RTL4: variants seen among roughly 807,000 people sequenced by gnomAD.
The protein encoded by RTL4 is retrotransposon Gag-like protein 4.
Under a neutral mutation model 5.3 loss-of-function variants are expected in RTL4, and 4 were observed. The ratio of observed to expected loss-of-function variants is 0.75; its 90% CI spans 0.37 to 1.72. The LOEUF (loss-of-function observed/expected upper bound fraction) is 1.72. Ranked by LOEUF, RTL4 falls within the 40% of genes most tolerant of loss-of-function variation. The probability of loss-of-function intolerance (pLI) is 0.04; values close to 1 mark genes in which losing one functional copy is unlikely to be tolerated. For missense variants in RTL4, 260 were observed against 227.1 expected, an observed-to-expected ratio of 1.14 and a Z score of -0.93; for synonymous variants, 98 against 87.3, an observed-to-expected ratio of 1.12 and a Z score of -0.68.
chrX:112,116,340 C>T, the RTL4 span, among the ~76,000 whole-genome samples: 2 of 111,058 alleles, frequency 1.8e-5, no homozygotes, highest in Admixed American at 9.5e-5. Context: ...TGTGGACCTT[C>T]GCAGTGAGTG....
chrX:112,191,395 C>A, the RTL4 span, among the ~76,000 whole-genome samples: 1 of 111,561 alleles, frequency 9.0e-6, no homozygotes, highest in South Asian at 3.8e-4. Flanking sequence ...CTCCTGAAAG[C>A]CCTTTTCTTG....
chrX:112,230,591 C>T, the RTL4 span, among the ~76,000 whole-genome samples: 1 of 112,336 alleles, frequency 8.9e-6, no homozygotes, highest in Non-Finnish European at 1.9e-5. Flanking sequence ...AGAAATCACC[C>T]GTCTTCTGCA....
the RTL4 span, among the ~76,000 whole-genome samples, chrX:112,219,592 T>C: frequency 8.9e-6 from 1 of 112,223 alleles, no homozygotes; most frequent in Non-Finnish European, 1.9e-5. Context: ...AGAAAAGCTG[T>C]CATTCAAAAA....
the RTL4 span, among the ~76,000 whole-genome samples, chrX:112,210,071 C>T: frequency 6.3e-5 from 7 of 111,976 alleles, no homozygotes; most frequent in African/African-American, 2.3e-4. Flanking sequence ...GTTGCAGAGC[C>T]TTCTCCTGTT....
the RTL4 span, among the ~76,000 whole-genome samples, chrX:112,243,896 T>C: frequency 8.9e-6 from 1 of 112,063 alleles, no homozygotes; most frequent in Non-Finnish European, 1.9e-5. Flanking sequence ...GTACATTGTG[T>C]CTTTGTTCTC....
chrX:112,393,121 T>G, the RTL4 span, among the ~76,000 whole-genome samples: 1 of 109,062 alleles, frequency 9.2e-6, no homozygotes, highest in Non-Finnish European at 1.9e-5. Context: ...ATTTTTCTTT[T>G]TTCTTTTCTT....
chrX:112,399,053 G>A, the RTL4 span, among the ~76,000 whole-genome samples: 1 of 111,735 alleles, frequency 8.9e-6, no homozygotes, highest in Non-Finnish European at 1.9e-5. Flanking sequence ...TGTCTTTCAA[G>A]GAATTCATTC....
the RTL4 span, among the ~76,000 whole-genome samples, chrX:112,353,581 G>A: frequency 9.1e-6 from 1 of 110,387 alleles, no homozygotes; most frequent in East Asian, 2.9e-4. Context: ...ACTATCGCAA[G>A]GACAAAAAAC....
chrX:112,456,555 G>A, exon 1 of RTL4: 1 of 295,596 alleles, frequency 3.4e-6, no homozygotes, highest in Non-Finnish European at 6.2e-6. Context: ...TGGGGATGGT[G>A]TGTCATAATT....
the RTL4 span, among the ~76,000 whole-genome samples, chrX:112,204,881 A>G: frequency 9.0e-6 from 1 of 111,584 alleles, no homozygotes; most frequent in African/African-American, 3.3e-5. Flanking sequence ...TGATGTGCTT[A>G]TTTTACATCG....
Position 112,455,281 on chromosome X carries a change from G to A in RTL4, c.553G>A (p.Glu185Lys), listed in dbSNP as rs745679035. ...TGAAACCAATCAGAGTGGTCAGTTC[G>A]AAAAGGCACTAGCTGATCCCAACCA... The change falls in exon 1 of 1, where the codon GAA becomes AAA. Residue 185 changes from glutamate to lysine, a missense_variant. Coordinates refer to ENST00000340433, the Ensembl canonical transcript of RTL4. 43 of 1,209,553 alleles carry A rather than the reference G, an allele frequency of 3.6e-5. No individual in the cohort carries two copies. The Middle Eastern group carries it at 1.1e-3, about 32-fold the overall frequency.
the RTL4 span, among the ~76,000 whole-genome samples, chrX:112,402,205 T>C: frequency 8.9e-6 from 1 of 111,968 alleles, no homozygotes; most frequent in Admixed American, 9.5e-5. Flanking sequence ...CTCTAACTGC[T>C]AAGTATCTAT....
chrX:112,190,139 C>CCTTT, the RTL4 span, among the ~76,000 whole-genome samples: 6,630 of 77,053 alleles, frequency 0.086, 574 homozygotes, highest in East Asian at 0.12. Context: ...GTAGCCTGTC[C>CCTTT]CTTTCTTTCT....
the RTL4 span, among the ~76,000 whole-genome samples, chrX:112,317,837 G>A: frequency 9.0e-6 from 1 of 111,529 alleles, no homozygotes; most frequent in Non-Finnish European, 1.9e-5. Flanking sequence ...GGACTCAAAG[G>A]TCTGTCTGAT....
At chrX:112,143,870 T>G in the RTL4 span, among the ~76,000 whole-genome samples, 4 of 112,223 alleles carry the variant, frequency 3.6e-5, no homozygotes, top group Non-Finnish European at 7.5e-5. Context: ...AACTAGTTTT[T>G]AAGATGTTTC....
the RTL4 span, among the ~76,000 whole-genome samples, chrX:112,432,070 T>C: frequency 9.4e-5 from 10 of 106,753 alleles, no homozygotes; most frequent in Non-Finnish European, 1.9e-4. Context: ...TCATCATTTT[T>C]TATGGCTGCA....
the RTL4 span, among the ~76,000 whole-genome samples, chrX:112,321,579 A>AAGACAGAC: frequency 1.5e-4 from 16 of 109,201 alleles, no homozygotes; most frequent in African/African-American, 5.1e-4. Context: ...AGAAAGAAGA[A>AAGACAGAC]AGACAGACAG....
the RTL4 span, among the ~76,000 whole-genome samples, chrX:112,290,384 T>TA: frequency 9.0e-6 from 1 of 111,588 alleles, no homozygotes; most frequent in Admixed American, 9.5e-5. Context: ...TTTTTAAATT[T>TA]AAAAAACGAG....
At chrX:112,120,716 C>T in the RTL4 span, among the ~76,000 whole-genome samples, 3 of 110,161 alleles carry the variant, frequency 2.7e-5, no homozygotes, top group Admixed American at 9.7e-5. Context: ...ACACTAAATA[C>T]CTAAGTGTAG....
Sources: allele counts gnomAD v4.1 joint callset (sites outside exome capture counted in the v4.1 genomes callset), GRCh38; gene constraint gnomAD v4.1.1; transcripts MANE v1.5; gene names NCBI Gene and HGNC (gene_info 2026-07-23, HGNC 2026-07-21).